Variants in CMTR1 observed in about 807,000 individuals in gnomAD.
CMTR1 encodes cap methyltransferase 1, also known as cap-specific mRNA (nucleoside-2'-O-)-methyltransferase 1.
CMTR1 carries 39 observed loss-of-function variants against 107.0 expected under a neutral mutation model. The observed-to-expected ratio is 0.36, with a 90% CI of 0.28 to 0.48. The LOEUF is 0.48. CMTR1 is among the 20% of genes least tolerant of loss of function. The pLI, the probability that CMTR1 is intolerant of heterozygous loss-of-function variation, is 0.99. For synonymous variants in CMTR1, 366 were observed against 379.5 expected, an observed-to-expected ratio of 0.96 and a Z score of 0.41; for missense variants, 672 against 1,064.9, an observed-to-expected ratio of 0.63 and a Z score of 5.14.
intron 13 of CMTR1, among the ~76,000 whole-genome samples, chr6:37,468,088 CTAAT>C (rs1172906330): frequency 2.7e-5 from 4 of 149,494 alleles, no homozygotes; most frequent in Admixed American, 6.7e-5. Context: ...TTTTTAATAA[CTAAT>C]TCAGTATTTT....
intron 16 of CMTR1, among the ~76,000 whole-genome samples, chr6:37,473,201 A>G (rs576436590): frequency 1.3e-5 from 2 of 152,224 alleles, no homozygotes; most frequent in East Asian, 3.9e-4. Flanking sequence ...ACATTTTCTT[A>G]TAGGTCTGGT....
intron 8 of CMTR1, among the ~76,000 whole-genome samples, chr6:37,454,975 T>A (rs1233609646): frequency 6.6e-6 from 1 of 151,914 alleles, no homozygotes; most frequent in Non-Finnish European, 1.5e-5. Flanking sequence ...TTTGCTAGGG[T>A]CATAATGGCT....
intron 13 of CMTR1, among the ~76,000 whole-genome samples, chr6:37,468,197 G>C (rs1761547835): frequency 6.6e-6 from 1 of 150,916 alleles, no homozygotes; most frequent in Non-Finnish European, 1.5e-5. Context: ...TTGCTGTAGA[G>C]ATTACTATAT....
chr6:37,475,056 G>A (rs571487965), intron 18 of CMTR1, among the ~76,000 whole-genome samples: 35 of 152,332 alleles, frequency 2.3e-4, no homozygotes, highest in Admixed American at 2.2e-3. Flanking sequence ...GCCAGATCCT[G>A]GCTGGAGTGC....
At chr6:37,430,785 T>C (rs1401629634), upstream of CMTR1, among the ~76,000 whole-genome samples, 3 of 152,042 alleles carry the variant, frequency 2.0e-5, no homozygotes, top group Non-Finnish European at 2.9e-5. Context: ...GAGGCTGAGG[T>C]GGGCGGATCA....
At chr6:37,462,317 T>C (rs542861791) in intron 12 of CMTR1, among the ~76,000 whole-genome samples, 1 of 152,172 alleles carries the variant, frequency 6.6e-6, no homozygotes, top group African/African-American at 2.4e-5. Context: ...TTATGCTCCA[T>C]GCTTATGTGA....
intron 10 of CMTR1, among the ~76,000 whole-genome samples, chr6:37,461,145 C>T (rs1761396090): frequency 6.6e-6 from 1 of 152,216 alleles, no homozygotes; most frequent in Admixed American, 6.5e-5. Context: ...TGTACTCACT[C>T]CCTGGTCTTG....
intron 10 of CMTR1, among the ~76,000 whole-genome samples, chr6:37,460,869 C>T (rs1761389852): frequency 1.3e-5 from 2 of 152,126 alleles, no homozygotes; most frequent in Admixed American, 1.3e-4. Flanking sequence ...TGTCCCCTGG[C>T]CTCCTTTACT....
chr6:37,455,496 G>A (rs566186463), intron 8 of CMTR1, among the ~76,000 whole-genome samples: 1 of 152,300 alleles, frequency 6.6e-6, no homozygotes, highest in South Asian at 2.1e-4. Context: ...AAGGACGGAG[G>A]GAAATTTAGA....
upstream of CMTR1, among the ~76,000 whole-genome samples, chr6:37,430,547 A>T (rs1330405388): frequency 6.6e-6 from 1 of 151,924 alleles, no homozygotes; most frequent in Non-Finnish European, 1.5e-5. Flanking sequence ...GATGAACTCC[A>T]TTTTATCATT....
intron 22 of CMTR1, 52 bp downstream of exon 22, chr6:37,478,573 G>T: frequency 6.9e-7 from 1 of 1,444,784 alleles, no homozygotes. Flanking sequence ...CCCTCTCCTC[G>T]CCAGGTGATG....
At chr6:37,429,239 A>G (rs767103660), upstream of CMTR1, among the ~76,000 whole-genome samples, 1 of 152,086 alleles carries the variant, frequency 6.6e-6, no homozygotes, top group Non-Finnish European at 1.5e-5. Context: ...TTTTAATTCT[A>G]AAATTTCCAT....
rs777487266 is a variant in CMTR1, at chr6:37,463,018, C to T, written c.1505+10C>T. On this transcript the variant is annotated intron_variant, in intron 13 of 23. Transcript: ENST00000373451. ...TACGGTCCAATGAGAGGTAAGCCAA[C>T]GGGCTGGTTTTTGCTGGTAACACTG... 20 of 1,611,994 alleles carry T rather than the reference C, an allele frequency of 1.2e-5. No individual in the cohort carries two copies. The highest frequency in any genetic ancestry group is 1.2e-4 in the Admixed American group (7 of 59,964).
chr6:37,450,034 A>G (rs1219938833), intron 4 of CMTR1, among the ~76,000 whole-genome samples: 1 of 152,218 alleles, frequency 6.6e-6, no homozygotes, highest in East Asian at 1.9e-4. Flanking sequence ...AGAAGTTTCT[A>G]AGGATTCTAA....
chr6:37,434,294 C>G (rs2646933), intron 1 of CMTR1, among the ~76,000 whole-genome samples: 108,942 of 151,930 alleles, frequency 0.72, 39,598 homozygotes, highest in African/African-American at 0.81. Flanking sequence ...AGAACTGAAA[C>G]ATGTGATCCA....
chr6:37,425,557 TGGGATTACA>T, the CMTR1 span, among the ~76,000 whole-genome samples: 5 of 152,178 alleles, frequency 3.3e-5, no homozygotes, highest in Admixed American at 2.6e-4. Context: ...CCCAAAGTGC[TGGGATTACA>T]GGCATGAGCC....
chr6:37,462,973 T>C lies in CMTR1; in HGVS notation c.1470T>C (p.His490=). 6.2e-7 allele frequency: 1 copy of C among 1,614,128 alleles called. No individual in the cohort carries two copies. Among genetic ancestry groups the C allele is most frequent in the Non-Finnish European group, 8.5e-7 (1 of 1,180,018 alleles). Residue 490 remains histidine (H), a synonymous_variant, in exon 13 of 24, where the codon CAT becomes CAC. Coordinates refer to ENST00000373451, the MANE Select transcript of CMTR1 (RefSeq NM_015050.3). The part of the protein sequence containing the change: ...VVPLEVIKGD[H]EFTDYMIRSN... ...CCCTGGAGGTGATCAAGGGAGACCA[T>C]GAATTTACTGACTACATGATACGGT... is the stretch of plus-strand genomic sequence containing the variant.
At chr6:37,479,697 G>A (rs913501112) in intron 23 of CMTR1, among the ~76,000 whole-genome samples, 1 of 152,202 alleles carries the variant, frequency 6.6e-6, no homozygotes, top group Non-Finnish European at 1.5e-5. Context: ...GCCCTAATGT[G>A]CCTGTAATTA....
intron 1 of CMTR1, among the ~76,000 whole-genome samples, chr6:37,434,792 A>G (rs774233894): frequency 6.6e-6 from 1 of 151,946 alleles, no homozygotes; most frequent in South Asian, 2.1e-4. Flanking sequence ...TGTTTTTTTT[A>G]CTAGAGATGG....
Sources: allele counts gnomAD v4.1 joint callset (sites outside exome capture counted in the v4.1 genomes callset), GRCh38; gene constraint gnomAD v4.1.1; transcripts MANE v1.5; gene names NCBI Gene and HGNC (gene_info 2026-07-23, HGNC 2026-07-21).